ZNRF3: variants seen among roughly 807,000 people sequenced by gnomAD.
ZNRF3 encodes the protein zinc and ring finger 3.
In ZNRF3, 23 loss-of-function variants were observed where a neutral mutation model predicts 72.5. The observed-to-expected ratio is 0.32, with a 90% CI of 0.23 to 0.45. The LOEUF (loss-of-function observed/expected upper bound fraction) is 0.45. Among genes scored for constraint, ZNRF3 ranks in the 20% least tolerant of loss-of-function variants. ZNRF3 has a pLI of 1.00. For missense variants in ZNRF3, 1,169 were observed against 1,272.1 expected (o/e 0.92, Z 1.23); for synonymous variants, 610 against 545.3 (o/e 1.12, Z -1.65).
chr22:29,031,808 C>G (rs1175513085), intron 2 of ZNRF3, among the ~76,000 whole-genome samples: 1 of 152,192 alleles, frequency 6.6e-6, no homozygotes, highest in East Asian at 1.9e-4. Flanking sequence ...CTTTTCCCCT[C>G]CCTGACCACA....
At chr22:28,904,647 G>T (rs1189341119) in intron 1 of ZNRF3, among the ~76,000 whole-genome samples, 1 of 152,028 alleles carries the variant, frequency 6.6e-6, no homozygotes, top group African/African-American at 2.4e-5. Context: ...TCTTCCTCAT[G>T]CAACAGCCTT....
intron 1 of ZNRF3, among the ~76,000 whole-genome samples, chr22:28,950,443 G>C (rs8138046): frequency 2.6e-5 from 4 of 152,184 alleles, no homozygotes; most frequent in African/African-American, 9.7e-5. Context: ...ACCTTGTTGC[G>C]TTGTTCTTTC....
At chr22:28,987,299 T>C (rs1015079179) in intron 2 of ZNRF3, 98 bp downstream of exon 2, 5 of 1,515,746 alleles carry the variant, frequency 3.3e-6, no homozygotes, top group African/African-American at 1.4e-5. Context: ...AGAAGAGCCA[T>C]GCTGGCACAG....
chr22:28,962,721 G>C (rs2035386968), intron 1 of ZNRF3, among the ~76,000 whole-genome samples: 1 of 152,190 alleles, frequency 6.6e-6, no homozygotes, highest in Non-Finnish European at 1.5e-5. Context: ...AGCCCAAAAA[G>C]CTCCTATATG....
At chr22:28,983,359 C>G (rs1422448935) in intron 1 of ZNRF3, among the ~76,000 whole-genome samples, 1 of 151,722 alleles carries the variant, frequency 6.6e-6, no homozygotes, top group Admixed American at 6.6e-5. Flanking sequence ...TTTCATAGTT[C>G]AGATTTCTGC....
chr22:28,999,684 G>T (rs551308556), intron 2 of ZNRF3, among the ~76,000 whole-genome samples: 1 of 152,166 alleles, frequency 6.6e-6, no homozygotes, highest in Non-Finnish European at 1.5e-5. Flanking sequence ...GCAGTCACTC[G>T]AGTGCGTTGC....
chr22:29,015,482 C>T (rs928435023), intron 2 of ZNRF3, among the ~76,000 whole-genome samples: 6 of 152,058 alleles, frequency 3.9e-5, no homozygotes, highest in African/African-American at 1.4e-4. Context: ...CCAGCCTGGC[C>T]AACATGGCGA....
Position 29,006,088 on chromosome 22 carries a change from G to A in ZNRF3, c.426+18887G>A, listed in dbSNP as rs146626195. ...AGCTTATGTTTTAGATGCAAAGCCT[G>A]CTCCCCTAGCTTGGAGCTCACAATA... On this transcript the variant is annotated intron_variant, in intron 2 of 8. Coordinates refer to ENST00000544604, the MANE Select transcript of ZNRF3 (RefSeq NM_001206998.2). 7.5e-3 allele frequency among the ~76,000 whole-genome samples: 1,141 copies of A among 152,030 alleles called. 21 individuals carry two copies. The highest frequency in any genetic ancestry group is 0.027 in the African/African-American group (1,103 of 41,488).
In ZNRF3 at chr22:29,049,016, CACAG is replaced by C. The variant is rs1320570543; in HGVS notation, c.1016-176_1016-173del. The stretch of plus-strand genomic sequence containing the variant: ...CCCTTACAGGAGATGGGCCATTTCA[CACAG>C]ACAGGCAGGTCAGCCTCTGCCGCTG... On this transcript the variant is annotated intron_variant, in intron 7 of 8. Transcript: ENST00000544604. This position sits in a 1 kb window ranked among gnomAD's most constrained non-coding sequence, Gnocchi z 5.2. 6.6e-6 allele frequency among the ~76,000 whole-genome samples: 1 copy of C among 152,202 alleles called. No individual in the cohort carries two copies. Among genetic ancestry groups the C allele is most frequent in the Non-Finnish European group, 1.5e-5 (1 of 68,040 alleles).
chr22:29,020,485 T>A (rs1199915396), intron 2 of ZNRF3, among the ~76,000 whole-genome samples: 1 of 151,730 alleles, frequency 6.6e-6, no homozygotes, highest in Non-Finnish European at 1.5e-5. Context: ...GGTCTTAAAC[T>A]CCTAGACTCA....
intron 1 of ZNRF3, among the ~76,000 whole-genome samples, chr22:28,977,937 G>A (rs888784659): frequency 2.0e-4 from 31 of 152,194 alleles, no homozygotes; most frequent in Non-Finnish European, 3.2e-4. Context: ...ATACTCAAGG[G>A]AACATAGTTC....
intron 2 of ZNRF3, among the ~76,000 whole-genome samples, chr22:29,041,047 A>C (rs913772555): frequency 6.6e-6 from 1 of 152,228 alleles, no homozygotes; most frequent in Non-Finnish European, 1.5e-5. Context: ...TGCGCGTCTT[A>C]TAGAAGGCTG....
intron 3 of ZNRF3, 65 bp downstream of exon 3, chr22:29,042,634 T>C: frequency 6.8e-7 from 1 of 1,460,388 alleles, no homozygotes; most frequent in Non-Finnish European, 9.5e-7. Context: ...TTAGTGAGCT[T>C]GGCTTGTCCC....
chr22:28,911,691 GT>G (rs132542), intron 1 of ZNRF3, among the ~76,000 whole-genome samples: 139,235 of 152,018 alleles, frequency 0.92, 64,316 homozygotes, highest in Non-Finnish European at 0.97. Flanking sequence ...TTTTCTGAGA[GT>G]TTTTTTTTAT....
chr22:28,884,751 G>A (rs914366176), intron 1 of ZNRF3, among the ~76,000 whole-genome samples: 1 of 152,198 alleles, frequency 6.6e-6, no homozygotes, highest in Non-Finnish European at 1.5e-5. Flanking sequence ...AGACTGATGC[G>A]AAGGACCTGC....
chr22:29,048,641 C>A lies in ZNRF3; in HGVS notation c.1015+150C>A. The A allele has an allele frequency of 1.4e-6, 1 of 719,386 alleles. No homozygotes were observed. The highest frequency in any genetic ancestry group is 2.4e-6 in the Non-Finnish European group (1 of 420,232). The allele number at this position is 719,386 out of a possible 1,614,324, so 44.6% of individuals were successfully genotyped here. ...AGCCCTGGGTTTTGGAGGTTGTCTG[C>A]ACGACCCTTAGGAGAGCTTGGCATT... On this transcript the variant is annotated intron_variant, in intron 7 of 8. Transcript: ENST00000544604. The surrounding 1 kb of genome is among the most constrained non-coding windows in gnomAD (Gnocchi z 4.9).
intron 2 of ZNRF3, among the ~76,000 whole-genome samples, chr22:28,995,232 G>T (rs2123836483): frequency 6.6e-6 from 1 of 152,316 alleles, no homozygotes; most frequent in South Asian, 2.1e-4. Flanking sequence ...AGGAGAGCCA[G>T]ACCATCCTGG....
intron 1 of ZNRF3, among the ~76,000 whole-genome samples, chr22:28,893,931 C>T (rs146583131): frequency 6.6e-4 from 100 of 152,118 alleles, no homozygotes; most frequent in East Asian, 2.7e-3. Context: ...CCTACCAGGT[C>T]GCCATGTATG....
chr22:29,020,786 T>G (rs918590984), intron 2 of ZNRF3, among the ~76,000 whole-genome samples: 14 of 140,684 alleles, frequency 1.0e-4, no homozygotes, highest in East Asian at 6.8e-4. Context: ...GGTGTGTGTG[T>G]GTGTGTGTGT....
Sources: gnomAD v4.1 joint callset for allele counts (sites outside exome capture counted in the v4.1 genomes callset) on GRCh38, gnomAD v4.1.1 for gene constraint, Gnocchi (gnomAD v3.1) non-coding constraint, MANE v1.5 for transcripts, NCBI Gene and HGNC (gene_info 2026-07-23, HGNC 2026-07-21) for gene names.